The following ENTREP2 variants were observed in gnomAD, a reference collection of about 807,000 sequenced individuals.
The protein encoded by ENTREP2 is protein ENTREP2.
At chr15:29,497,543 T>C in the ENTREP2 span, among the ~76,000 whole-genome samples, 1 of 152,190 alleles carries the variant, frequency 6.6e-6, no homozygotes, top group Admixed American at 6.5e-5. Flanking sequence ...TTTCTAGGAA[T>C]TTATCCATTA....
chr15:29,564,035 T>C, the ENTREP2 span, among the ~76,000 whole-genome samples: 5 of 152,174 alleles, frequency 3.3e-5, no homozygotes, highest in Admixed American at 2.0e-4. Flanking sequence ...GGCTGGATCG[T>C]ATTCCTTTTT....
chr15:29,524,391 AAGTAG>A, the ENTREP2 span, among the ~76,000 whole-genome samples: 1 of 152,184 alleles, frequency 6.6e-6, no homozygotes, highest in Non-Finnish European at 1.5e-5. Context: ...TGAGGATGTG[AAGTAG>A]AACCCCCACA....
chr15:29,413,893 A>T, the ENTREP2 span, among the ~76,000 whole-genome samples: 1 of 152,228 alleles, frequency 6.6e-6, no homozygotes, highest in African/African-American at 2.4e-5. Flanking sequence ...AGATCAAAAG[A>T]GACAAAGAAG....
the ENTREP2 span, among the ~76,000 whole-genome samples, chr15:29,557,601 A>T: frequency 6.6e-6 from 1 of 152,320 alleles, no homozygotes; most frequent in East Asian, 1.9e-4. Flanking sequence ...GGAGGGGAGA[A>T]GTGGTGGGAC....
chr15:29,444,154 CAGAAAGAAAGACAGACAAAGAA>C, the ENTREP2 span, among the ~76,000 whole-genome samples: 2,207 of 54,812 alleles, frequency 0.04, 206 homozygotes, highest in East Asian at 0.056. Context: ...GAAAGACAGA[CAGAAAGAAAGACAGACAAAGAA>C]AGAAAGAAAG....
chr15:29,174,722 A>G, the ENTREP2 span, among the ~76,000 whole-genome samples: 1 of 151,668 alleles, frequency 6.6e-6, no homozygotes, highest in Non-Finnish European at 1.5e-5. Context: ...AAAAAAAAAA[A>G]GAAAACTAGA....
chr15:29,127,608 G>T, the ENTREP2 span, among the ~76,000 whole-genome samples: 2 of 152,158 alleles, frequency 1.3e-5, no homozygotes, highest in African/African-American at 2.4e-5. Flanking sequence ...CTCTACTCAG[G>T]AGAGTCCTGA....
At chr15:29,589,056 T>A in the ENTREP2 span, among the ~76,000 whole-genome samples, 1 of 150,914 alleles carries the variant, frequency 6.6e-6, no homozygotes, top group African/African-American at 2.4e-5. Flanking sequence ...GCTACTTGAG[T>A]GATAAAACCA....
chr15:29,145,760 A>G, the ENTREP2 span, among the ~76,000 whole-genome samples: 12 of 152,256 alleles, frequency 7.9e-5, no homozygotes, highest in African/African-American at 2.9e-4. Flanking sequence ...TCCCCTAGAT[A>G]CAAGCTAAGA....
chr15:29,127,021 C>T, the ENTREP2 span, among the ~76,000 whole-genome samples: 1 of 152,114 alleles, frequency 6.6e-6, no homozygotes, highest in Non-Finnish European at 1.5e-5. Flanking sequence ...TGGGAACAAG[C>T]GGGGAATGCA....
chr15:29,548,015 G>A, the ENTREP2 span, among the ~76,000 whole-genome samples: 1 of 152,130 alleles, frequency 6.6e-6, no homozygotes. Context: ...TATGAGGTAT[G>A]TAAAATAACC....
the ENTREP2 span, among the ~76,000 whole-genome samples, chr15:29,222,308 A>G: frequency 6.6e-6 from 1 of 152,344 alleles, no homozygotes; most frequent in South Asian, 2.1e-4. Context: ...ATGGTCAAAA[A>G]GAAAAGGCAT....
chr15:29,259,139 T>C, the ENTREP2 span, among the ~76,000 whole-genome samples: 2 of 152,252 alleles, frequency 1.3e-5, no homozygotes, highest in South Asian at 4.1e-4. Flanking sequence ...ATGGATATAA[T>C]GGAATAGAGA....
chr15:29,453,724 T>C, the ENTREP2 span, among the ~76,000 whole-genome samples: 789 of 152,364 alleles, frequency 5.2e-3, 4 homozygotes, highest in Admixed American at 0.01. Context: ...GACTTTTTTT[T>C]TGTACATGCA....
chr15:29,638,102 A>G, the ENTREP2 span, among the ~76,000 whole-genome samples: 2 of 152,232 alleles, frequency 1.3e-5, no homozygotes, highest in African/African-American at 4.8e-5. Context: ...GAATTGGCTC[A>G]GTCCTTTCTG....
At chr15:29,536,838 G>A in the ENTREP2 span, among the ~76,000 whole-genome samples, 576 of 152,208 alleles carry the variant, frequency 3.8e-3, 3 homozygotes, top group Non-Finnish European at 6.1e-3. Flanking sequence ...CGGAGGCAGA[G>A]ACTGGACTGC....
chr15:29,277,727 C>T, the ENTREP2 span, among the ~76,000 whole-genome samples: 3 of 152,176 alleles, frequency 2.0e-5, no homozygotes, highest in East Asian at 5.8e-4. Flanking sequence ...TAAAGCATCT[C>T]CTACTCTAAA....
chr15:29,514,418 A>G, the ENTREP2 span, among the ~76,000 whole-genome samples: 7 of 152,348 alleles, frequency 4.6e-5, no homozygotes, highest in South Asian at 1.4e-3. Context: ...GCAATCTTCC[A>G]CTGTGTATAC....
the ENTREP2 span, among the ~76,000 whole-genome samples, chr15:29,652,292 G>C: frequency 1.3e-5 from 2 of 152,098 alleles, no homozygotes; most frequent in Non-Finnish European, 1.5e-5. Context: ...CTGAACACTC[G>C]TCAGGACACC....
Sources: gnomAD v4.1 joint callset for allele counts (sites outside exome capture counted in the v4.1 genomes callset) on GRCh38, gnomAD v4.1.1 for gene constraint, MANE v1.5 for transcripts, NCBI Gene and HGNC (gene_info 2026-07-23, HGNC 2026-07-21) for gene names.